SH3RF3: variants seen among roughly 807,000 people sequenced by gnomAD.
SH3RF3 encodes E3 ubiquitin-protein ligase SH3RF3.
In SH3RF3, 29 loss-of-function variants were observed where a neutral mutation model predicts 66.3. The ratio of observed to expected loss-of-function variants is 0.44; its 90% CI spans 0.33 to 0.60. The LOEUF (loss-of-function observed/expected upper bound fraction) is 0.60. Ranked by LOEUF, SH3RF3 falls within the 20% of genes least tolerant of loss-of-function variation. The probability of loss-of-function intolerance (pLI) is 0.04; values close to 1 mark genes in which losing one functional copy is unlikely to be tolerated. For missense variants in SH3RF3, 1,194 were observed against 1,190.9 expected, an observed-to-expected ratio of 1.00 and a Z score of -0.04; for synonymous variants, 583 against 532.0, an observed-to-expected ratio of 1.10 and a Z score of -1.32.
At chr2:109,190,363 G>A (rs924029098) in intron 1 of SH3RF3, among the ~76,000 whole-genome samples, 4 of 152,222 alleles carry the variant, frequency 2.6e-5, no homozygotes, top group Non-Finnish European at 5.9e-5. Flanking sequence ...TAGTAGAGAT[G>A]GGGTTTCGCC....
At chr2:109,315,655 T>C (rs888729010) in intron 1 of SH3RF3, among the ~76,000 whole-genome samples, 4 of 152,244 alleles carry the variant, frequency 2.6e-5, no homozygotes, top group African/African-American at 9.6e-5. Flanking sequence ...GTGCAGGCTT[T>C]CCTGGCAGTC....
intron 1 of SH3RF3, among the ~76,000 whole-genome samples, chr2:109,175,996 C>T (rs1028123064): frequency 3.3e-5 from 5 of 152,166 alleles, no homozygotes; most frequent in Admixed American, 6.6e-5. Context: ...AAAAGATCCA[C>T]GTGGTCTAAT....
chr2:109,437,035 A>G lies in SH3RF3; in HGVS notation c.1717A>G (p.Thr573Ala), dbSNP rs751187464. 35 of 1,613,622 alleles carry G rather than the reference A, an allele frequency of 2.2e-5. No individual in the cohort carries two copies. The South Asian group carries it at 3.4e-4, about 16-fold the overall frequency. Residue 573 changes from threonine (T) to alanine (A), a missense_variant, in exon 7 of 10, where the codon ACC becomes GCC. Transcript: ENST00000309415. The stretch of plus-strand genomic sequence containing the variant: ...TGCCACCAGGCCCGCCCTGCCCATC[A>G]CCACTCCCCAGGCCCACGCCCAGCA... ...ATATRPALPI[T>A]TPQAHAQHPT...
chr2:109,275,439 C>T (rs143901700), intron 1 of SH3RF3, among the ~76,000 whole-genome samples: 27 of 152,284 alleles, frequency 1.8e-4, no homozygotes, highest in Admixed American at 6.5e-4. Flanking sequence ...GGACCGACAC[C>T]GGAAGTCTGC....
chr2:109,432,229 G>A (rs1677246944), intron 5 of SH3RF3, among the ~76,000 whole-genome samples: 1 of 152,184 alleles, frequency 6.6e-6, no homozygotes, highest in Non-Finnish European at 1.5e-5. Flanking sequence ...CTATCTGTCA[G>A]ATGGGCAGGT....
At chr2:109,272,918 A>G (rs17035290) in intron 1 of SH3RF3, among the ~76,000 whole-genome samples, 101 of 152,302 alleles carry the variant, frequency 6.6e-4, no homozygotes, top group Middle Eastern at 3.4e-3. Flanking sequence ...ACAGTTTCCT[A>G]GCAGCCTTAA....
At chr2:109,238,947 G>T (rs1307521842) in intron 1 of SH3RF3, among the ~76,000 whole-genome samples, 1 of 152,158 alleles carries the variant, frequency 6.6e-6, no homozygotes, top group Non-Finnish European at 1.5e-5. Flanking sequence ...AGATGAGAGG[G>T]CCCTTCAGTT....
At chr2:109,157,417 A>G (rs1011208068) in intron 1 of SH3RF3, among the ~76,000 whole-genome samples, 8 of 152,240 alleles carry the variant, frequency 5.3e-5, no homozygotes, top group Non-Finnish European at 1.2e-4. Flanking sequence ...GAATATGTGT[A>G]ATGTTGCCTT....
intron 8 of SH3RF3, among the ~76,000 whole-genome samples, chr2:109,463,662 A>C (rs1193617590): frequency 6.6e-6 from 1 of 152,234 alleles, no homozygotes; most frequent in Non-Finnish European, 1.5e-5. Flanking sequence ...TGAGGCTCAC[A>C]AAAGAGGAGA....
intron 1 of SH3RF3, among the ~76,000 whole-genome samples, chr2:109,180,401 A>G (rs2104981188): frequency 6.6e-6 from 1 of 152,314 alleles, no homozygotes; most frequent in African/African-American, 2.4e-5. Context: ...GCAGGTACAC[A>G]GAGGCCATTA....
At chr2:109,333,712 C>G (rs1444993230) in intron 1 of SH3RF3, among the ~76,000 whole-genome samples, 1 of 152,190 alleles carries the variant, frequency 6.6e-6, no homozygotes, top group African/African-American at 2.4e-5. Flanking sequence ...TGAAACCAAA[C>G]TGCTAGAGTT....
At chr2:109,266,728 C>T (rs1267733339) in intron 1 of SH3RF3, among the ~76,000 whole-genome samples, 2 of 152,180 alleles carry the variant, frequency 1.3e-5, no homozygotes, top group African/African-American at 2.4e-5. Context: ...GGCAGTGACA[C>T]GGCCCACGCT....
chr2:109,417,752 T>C (rs189800952), intron 4 of SH3RF3, among the ~76,000 whole-genome samples: 242 of 152,322 alleles, frequency 1.6e-3, no homozygotes, highest in Non-Finnish European at 2.3e-3. Context: ...AAATCGTTTC[T>C]GACTTTGTAG....
At chr2:109,291,780 A>G (rs1204847152) in intron 1 of SH3RF3, among the ~76,000 whole-genome samples, 2 of 152,254 alleles carry the variant, frequency 1.3e-5, no homozygotes, top group East Asian at 3.8e-4. Context: ...CTCCAGTTTC[A>G]GGTGACTGTT....
At chr2:109,322,087 A>C (rs1391128693) in intron 1 of SH3RF3, among the ~76,000 whole-genome samples, 1 of 152,112 alleles carries the variant, frequency 6.6e-6, no homozygotes, top group Non-Finnish European at 1.5e-5. Context: ...TAAGGGAGAG[A>C]AGCGGGGAGA....
At chr2:109,500,099 A>G (rs1271579089) in intron 9 of SH3RF3, among the ~76,000 whole-genome samples, 1 of 152,118 alleles carries the variant, frequency 6.6e-6, no homozygotes, top group East Asian at 1.9e-4. Context: ...TGTGGCTGGA[A>G]CCCACAGTCG....
chr2:109,242,767 C>T (rs1053633660), intron 1 of SH3RF3, among the ~76,000 whole-genome samples: 4 of 152,176 alleles, frequency 2.6e-5, no homozygotes, highest in African/African-American at 7.2e-5. Flanking sequence ...TCCCCAGTGA[C>T]GTCCTCAGGC....
Position 109,130,097 on chromosome 2 carries a change from C to T in SH3RF3, c.557C>T (p.Thr186Ile). 7.4e-7 allele frequency: 1 copy of T among 1,347,154 alleles called. No individual in the cohort carries two copies. The highest frequency in any genetic ancestry group is 3.1e-5 in the East Asian group (1 of 32,302). 83.5% of individuals were successfully genotyped at this position (1,347,154 alleles called of 1,614,324 possible). A position where few individuals can be genotyped will look rare whatever the true frequency, so the allele number is the denominator to read the frequency against. Residue 186 changes from threonine to isoleucine, a missense_variant, in exon 1 of 10, where the codon ACC becomes ATC. By Grantham distance (89) the Thr-to-Ile change is moderately conservative (BLOSUM62 -1). Coordinates refer to ENST00000309415, the MANE Select transcript of SH3RF3 (RefSeq NM_001099289.3). ...CTGCGGGAGCTGGCGACCAGCAGGA[C>T]CGCGCCGGCGGCAAAGGTGAGTATC... is the stretch of plus-strand genomic sequence containing the variant. ...GSLRELATSRTAPAAKNPCLL... is the reference protein window; with the variant it reads ...GSLRELATSRIAPAAKNPCLL...
intron 1 of SH3RF3, among the ~76,000 whole-genome samples, chr2:109,189,300 C>T (rs1678279502): frequency 1.3e-5 from 2 of 151,766 alleles, no homozygotes; most frequent in South Asian, 4.2e-4. Context: ...GATTGTCAGG[C>T]TCCACCTGAC....
Sources: gnomAD v4.1 joint callset for allele counts (sites outside exome capture counted in the v4.1 genomes callset) on GRCh38, gnomAD v4.1.1 for gene constraint, MANE v1.5 for transcripts, NCBI Gene and HGNC (gene_info 2026-07-23, HGNC 2026-07-21) for gene names.